The following NALF1 variants were observed in gnomAD, a reference collection of about 807,000 sequenced individuals.
NALF1 encodes the protein NALCN channel auxiliary factor 1, also known as family with sequence similarity 155 member A.
A neutral mutation model predicts 48.4 loss-of-function variants in NALF1; 3 were observed. The ratio of observed to expected loss-of-function variants is 0.06; its 90% CI spans 0.03 to 0.16. The LOEUF is 0.16. Ranked by LOEUF, NALF1 falls within the 10% of genes least tolerant of loss-of-function variation. The pLI is 1.00. For missense variants in NALF1, 526 were observed against 571.5 expected, an observed-to-expected ratio of 0.92 and a Z score of 0.81; for synonymous variants, 262 against 245.7, an observed-to-expected ratio of 1.07 and a Z score of -0.62.
intron 1 of NALF1, among the ~76,000 whole-genome samples, chr13:107,429,962 T>C (rs958688566): frequency 3.3e-5 from 5 of 152,212 alleles, no homozygotes; most frequent in African/African-American, 9.6e-5. Context: ...AAAGCTGTTA[T>C]ACAAACACAT....
intron 1 of NALF1, among the ~76,000 whole-genome samples, chr13:107,677,183 A>G (rs1881154329): frequency 6.6e-6 from 1 of 152,288 alleles, no homozygotes; most frequent in Middle Eastern, 3.4e-3. Context: ...AGTAGGTGAG[A>G]CTATAGTCGC....
intron 2 of NALF1, among the ~76,000 whole-genome samples, chr13:107,194,057 T>A (rs1594063932): frequency 2.1e-5 from 2 of 95,148 alleles, no homozygotes; most frequent in African/African-American, 1.3e-4. Context: ...TCTATCTATC[T>A]ATATATCAAT....
At chr13:107,179,510 A>G (rs1879017093) in intron 2 of NALF1, among the ~76,000 whole-genome samples, 1 of 152,140 alleles carries the variant, frequency 6.6e-6, no homozygotes, top group Admixed American at 6.5e-5. Context: ...CTAAAAGAGT[A>G]TAATTGGATT....
Position 107,170,251 on chromosome 13 carries a change from C to T in NALF1, c.*246G>A, listed in dbSNP as rs1878770693. On this transcript the variant is annotated 3_prime_UTR_variant, in exon 3 of 3. Transcript: ENST00000375915. ...AAACCAAAACGAAAGCAAATAAAAC[C>T]TCCAAACATTAAAACACAGTGTATA... The T allele has an allele frequency of 7.5e-6, 3 of 400,108 alleles. No individual in the cohort carries two copies. The highest frequency in any genetic ancestry group is 2.0e-5 in the African/African-American group (1 of 49,740). 24.8% of individuals were successfully genotyped at this position (400,108 alleles called of 1,614,324 possible). A position where few individuals can be genotyped will look rare whatever the true frequency, so the allele number is the denominator to read the frequency against.
At chr13:107,643,480 T>C (rs1303264018) in intron 1 of NALF1, among the ~76,000 whole-genome samples, 1 of 143,862 alleles carries the variant, frequency 7.0e-6, no homozygotes, top group Admixed American at 7.3e-5. Context: ...CAAATAGAGA[T>C]AAGAAAAACT....
chr13:107,584,363 T>C (rs571006502), intron 1 of NALF1, among the ~76,000 whole-genome samples: 93 of 152,258 alleles, frequency 6.1e-4, no homozygotes, highest in African/African-American at 2.2e-3. Flanking sequence ...GTGAAATAAT[T>C]GAAAGTATTT....
At chr13:107,753,963 C>T (rs1312466945) in intron 1 of NALF1, among the ~76,000 whole-genome samples, 1 of 152,060 alleles carries the variant, frequency 6.6e-6, no homozygotes, top group African/African-American at 2.4e-5. Context: ...GTGCTCAATT[C>T]CCATCCACGT....
At chr13:107,598,869 T>C (rs951961816) in intron 1 of NALF1, among the ~76,000 whole-genome samples, 2 of 152,178 alleles carry the variant, frequency 1.3e-5, no homozygotes, top group Non-Finnish European at 2.9e-5. Context: ...TCACTTATCA[T>C]GATCTGACAT....
At chr13:107,590,464 A>C (rs1878574479) in intron 1 of NALF1, among the ~76,000 whole-genome samples, 1 of 152,056 alleles carries the variant, frequency 6.6e-6, no homozygotes, top group Admixed American at 6.6e-5. Context: ...AGACTGTTAA[A>C]TATATAATAA....
intron 1 of NALF1, among the ~76,000 whole-genome samples, chr13:107,807,982 G>A (rs930192711): frequency 1.3e-5 from 2 of 152,108 alleles, no homozygotes; most frequent in African/African-American, 4.8e-5. Context: ...AATAGGCATT[G>A]CAATGGGAAT....
At chr13:107,834,536 T>A (rs1225360934) in intron 1 of NALF1, among the ~76,000 whole-genome samples, 1 of 152,158 alleles carries the variant, frequency 6.6e-6, no homozygotes, top group Non-Finnish European at 1.5e-5. Context: ...AATGATGCAA[T>A]AAAGGGTAAA....
At chr13:107,636,859 C>T (rs1471815901) in intron 1 of NALF1, among the ~76,000 whole-genome samples, 1 of 148,448 alleles carries the variant, frequency 6.7e-6, no homozygotes, top group Non-Finnish European at 1.5e-5. Context: ...TTGTTGTCTT[C>T]TTATGAGACT....
intron 1 of NALF1, among the ~76,000 whole-genome samples, chr13:107,258,023 ATAAG>A (rs1288092739): frequency 6.6e-6 from 1 of 152,216 alleles, no homozygotes; most frequent in Admixed American, 6.5e-5. Flanking sequence ...AAACAAATAT[ATAAG>A]TGAGTCCAGT....
chr13:107,854,232 G>T (rs975142486), intron 1 of NALF1, among the ~76,000 whole-genome samples: 4 of 152,214 alleles, frequency 2.6e-5, no homozygotes, highest in African/African-American at 9.6e-5. Flanking sequence ...GAAACTTTCC[G>T]GGACCCATAG....
rs533051293 is a variant in NALF1, at chr13:107,619,725, T to C, written c.915+245957A>G. Among the ~76,000 whole-genome samples, 3 of 152,270 alleles carry C rather than the reference T, an allele frequency of 2.0e-5. No individual in the cohort carries two copies. The East Asian group carries it at 5.8e-4, about 29-fold the overall frequency. On this transcript the variant is annotated intron_variant, in intron 1 of 2. Transcript: ENST00000375915. ...CATCAAGCCTATGACTTGAAAGAAG[T>C]TGAGTGACTCCCTCAAGTTGCACAA...
chr13:107,294,684 G>A (rs984835753), intron 1 of NALF1, among the ~76,000 whole-genome samples: 4 of 152,144 alleles, frequency 2.6e-5, no homozygotes, highest in Non-Finnish European at 5.9e-5. Context: ...AAAACTTGTC[G>A]AAGCTCAGAA....
At chr13:107,678,154 G>A (rs1370638004) in intron 1 of NALF1, among the ~76,000 whole-genome samples, 1 of 152,146 alleles carries the variant, frequency 6.6e-6, no homozygotes, top group Non-Finnish European at 1.5e-5. Context: ...CGAAGTCAGT[G>A]ACCTTCTTTG....
intron 1 of NALF1, among the ~76,000 whole-genome samples, chr13:107,414,147 T>C (rs555626914): frequency 9.2e-5 from 14 of 152,284 alleles, no homozygotes; most frequent in South Asian, 4.1e-4. Flanking sequence ...AAAAATAATT[T>C]ATTATTATAA....
chr13:107,271,391 A>T (rs899859586), intron 1 of NALF1, among the ~76,000 whole-genome samples: 1 of 152,132 alleles, frequency 6.6e-6, no homozygotes, highest in African/African-American at 2.4e-5. Context: ...AAGACAGGAA[A>T]TGTGGGAGGC....
Sources: allele counts gnomAD v4.1 joint callset (sites outside exome capture counted in the v4.1 genomes callset), GRCh38; gene constraint gnomAD v4.1.1; transcripts MANE v1.5; gene names NCBI Gene and HGNC (gene_info 2026-07-23, HGNC 2026-07-21).